TRAK1: variants seen among roughly 807,000 people sequenced by gnomAD.
The protein encoded by TRAK1 is trafficking kinesin protein 1.
In TRAK1, 33 loss-of-function variants were observed where a neutral mutation model predicts 92.1. The ratio of observed to expected loss-of-function variants is 0.36; its 90% CI spans 0.27 to 0.48. TRAK1 has a LOEUF of 0.48. Among genes scored for constraint, TRAK1 ranks in the 20% least tolerant of loss-of-function variants. The pLI is 0.99. For missense variants in TRAK1, 1,123 were observed against 1,257.9 expected, an observed-to-expected ratio of 0.89 and a Z score of 1.62; for synonymous variants, 521 against 517.3, an observed-to-expected ratio of 1.01 and a Z score of -0.10.
chr3:42,030,627 T>C (rs1248724073), intron 1 of TRAK1, among the ~76,000 whole-genome samples: 9 of 137,490 alleles, frequency 6.5e-5, no homozygotes, highest in African/African-American at 2.5e-4. Flanking sequence ...GAGCCAAGAT[T>C]GCACCACTGC....
chr3:42,169,626 G>A (rs1008602065), intron 2 of TRAK1, among the ~76,000 whole-genome samples: 4 of 150,602 alleles, frequency 2.7e-5, no homozygotes, highest in East Asian at 1.9e-4. Context: ...AGCTGAGATC[G>A]CGCCATTGCA....
At chr3:42,192,978 T>C (rs1706036518) in intron 7 of TRAK1, 97 bp from the exon 8 acceptor site, 1 of 1,523,926 alleles carries the variant, frequency 6.6e-7, no homozygotes, top group South Asian at 1.3e-5. Flanking sequence ...TTAGTAAGGA[T>C]GGTTTTTCTT....
chr3:42,099,886 C>T (rs1425906475), intron 1 of TRAK1, among the ~76,000 whole-genome samples: 1 of 152,042 alleles, frequency 6.6e-6, no homozygotes, highest in Non-Finnish European at 1.5e-5. Flanking sequence ...GTTTTCTGTG[C>T]CCAGTGTCTC....
At chr3:42,152,520 A>G (rs1005044775) in intron 2 of TRAK1, among the ~76,000 whole-genome samples, 31 of 152,234 alleles carry the variant, frequency 2.0e-4, no homozygotes, top group African/African-American at 7.2e-4. Flanking sequence ...TCTCAGACTC[A>G]CATCAGACTA....
At chr3:42,020,047 C>G (rs373233296) in intron 1 of TRAK1, among the ~76,000 whole-genome samples, 6 of 152,170 alleles carry the variant, frequency 3.9e-5, no homozygotes, top group African/African-American at 1.2e-4. Context: ...AAGGGACTGA[C>G]GGTCCAGATT....
In TRAK1 at chr3:42,200,690, A is replaced by G. The variant is rs1039971947; in HGVS notation, c.1191-128A>G. 9.2e-5 allele frequency: 82 copies of G among 887,894 alleles called. No homozygotes were observed. In the Admixed American group the frequency reaches 1.5e-3, roughly 16 times the overall value. The allele number at this position is 887,894 out of a possible 1,614,324, so 55.0% of individuals were successfully genotyped here. ...CTAAGAAACAGGTGGCAGGCACAGG[A>G]TAGCAGGCTGCTGGGGGACTCGTCA... is the stretch of plus-strand genomic sequence containing the variant. On this transcript the variant is annotated intron_variant, in intron 11 of 15. Coordinates refer to ENST00000327628, the MANE Select transcript of TRAK1 (RefSeq NM_001042646.3).
intron 1 of TRAK1, among the ~76,000 whole-genome samples, chr3:42,038,983 A>G (rs181144436): frequency 7.1e-4 from 108 of 152,028 alleles, no homozygotes; most frequent in Admixed American, 1.9e-3. Context: ...GTGATTTTTA[A>G]TATACCATAG....
intron 1 of TRAK1, among the ~76,000 whole-genome samples, chr3:42,048,968 G>A (rs186614155): frequency 2.0e-5 from 3 of 152,282 alleles, no homozygotes; most frequent in Admixed American, 2.0e-4. Flanking sequence ...GCTCACTGCA[G>A]TCTCAACCTC....
intron 1 of TRAK1, among the ~76,000 whole-genome samples, chr3:42,092,205 G>A (rs954125372): frequency 2.6e-5 from 4 of 152,168 alleles, no homozygotes; most frequent in African/African-American, 9.6e-5. Context: ...CTCTTGCTGT[G>A]GGGCTGACAC....
chr3:42,192,504 T>TTTGCATTTCGTCAAAGTACTAAG (rs1246520849), intron 7 of TRAK1, among the ~76,000 whole-genome samples: 1 of 141,654 alleles, frequency 7.1e-6, no homozygotes, highest in African/African-American at 2.6e-5. Context: ...AAAGTACTAT[T>TTTGCATTTCGTCAAAGTACTAAG]TTGCATTTCG....
intron 14 of TRAK1, among the ~76,000 whole-genome samples, chr3:42,216,108 C>T (rs1709652518): frequency 6.6e-6 from 1 of 152,192 alleles, no homozygotes; most frequent in Non-Finnish European, 1.5e-5. Context: ...AATCATCCTG[C>T]AAATCCCTGT....
At chr3:42,079,700 C>T (rs1704344472) in intron 1 of TRAK1, among the ~76,000 whole-genome samples, 1 of 151,958 alleles carries the variant, frequency 6.6e-6, no homozygotes, top group African/African-American at 2.4e-5. Flanking sequence ...AGGCTGGTCT[C>T]AAACTCCTGA....
At chr3:42,219,464 A>C (rs778535937) in intron 14 of TRAK1, 30 bp from the exon 15 acceptor site, 1 of 1,613,950 alleles carries the variant, frequency 6.2e-7, no homozygotes, top group Non-Finnish European at 8.5e-7. Context: ...ACTTGGATGC[A>C]AGGAATATGT....
At chr3:42,177,700 G>C (rs13064057) in intron 3 of TRAK1, among the ~76,000 whole-genome samples, 75,323 of 152,082 alleles carry the variant, frequency 0.5, 21,061 homozygotes, top group East Asian at 0.95. Context: ...TTGAAGCTCA[G>C]ACAGAAACTG....
chr3:42,069,080 G>A (rs1306166640), intron 1 of TRAK1, among the ~76,000 whole-genome samples: 1 of 152,126 alleles, frequency 6.6e-6, no homozygotes, highest in Non-Finnish European at 1.5e-5. Context: ...GCTCATGTCT[G>A]TAATCCCAGC....
intron 13 of TRAK1, among the ~76,000 whole-genome samples, chr3:42,208,840 G>T (rs1047548795): frequency 4.6e-5 from 7 of 152,176 alleles, no homozygotes; most frequent in African/African-American, 1.4e-4. Flanking sequence ...GTGTTCCAAG[G>T]GTAAAATGGG....
chr3:42,191,187 AG>A (rs1161019508), intron 6 of TRAK1, among the ~76,000 whole-genome samples: 2 of 152,152 alleles, frequency 1.3e-5, no homozygotes, highest in African/African-American at 4.8e-5. Flanking sequence ...GTAGTGTCCT[AG>A]GCACTGTGCG....
chr3:42,173,179 A>G (rs1576784222), intron 2 of TRAK1, among the ~76,000 whole-genome samples: 1 of 152,288 alleles, frequency 6.6e-6, no homozygotes, highest in East Asian at 1.9e-4. Flanking sequence ...GTAGAGGTTT[A>G]TGGTGGCTCC....
At chr3:42,124,796 T>C (rs1208604603) in intron 1 of TRAK1, among the ~76,000 whole-genome samples, 2 of 152,228 alleles carry the variant, frequency 1.3e-5, no homozygotes, top group Non-Finnish European at 2.9e-5. Context: ...AACACCAAGC[T>C]ATTCCTTAAA....
Sources: allele counts gnomAD v4.1 joint callset (sites outside exome capture counted in the v4.1 genomes callset), GRCh38; gene constraint gnomAD v4.1.1; transcripts MANE v1.5; gene names NCBI Gene and HGNC (gene_info 2026-07-23, HGNC 2026-07-21).